Variants in REPS2 observed in about 807,000 individuals in gnomAD.
REPS2 encodes the protein RALBP1 associated Eps domain containing 2.
Under a neutral mutation model 53.6 loss-of-function variants are expected in REPS2, and 23 were observed. The ratio of observed to expected loss-of-function variants is 0.43; its 90% CI spans 0.31 to 0.61. The LOEUF (loss-of-function observed/expected upper bound fraction) is 0.61. Among genes scored for constraint, REPS2 ranks in the 20% least tolerant of loss-of-function variants. The pLI, the probability that REPS2 is intolerant of heterozygous loss-of-function variation, is 0.11. For missense variants in REPS2, 446 were observed against 534.9 expected (o/e 0.83, Z 1.64); for synonymous variants, 238 against 218.6 (o/e 1.09, Z -0.78).
chrX:17,023,604 A>G, intron 3 of REPS2, among the ~76,000 whole-genome samples: 1 of 111,934 alleles, frequency 8.9e-6, no homozygotes, highest in Non-Finnish European at 1.9e-5. Flanking sequence ...CTGTTAAACA[A>G]TTCCATGTAC....
chrX:16,999,907 C>T (rs931235006), intron 1 of REPS2, among the ~76,000 whole-genome samples: 13 of 104,120 alleles, frequency 1.2e-4, no homozygotes, highest in African/African-American at 4.2e-4. Context: ...ATTAGCCGGG[C>T]GTAGTGGCGG....
chrX:16,964,797 C>T (rs1471334785), intron 1 of REPS2, among the ~76,000 whole-genome samples: 3 of 86,888 alleles, frequency 3.5e-5, no homozygotes, highest in Non-Finnish European at 6.9e-5. Context: ...CTGACCCCCC[C>T]ACCTCCCTCC....
intron 1 of REPS2, among the ~76,000 whole-genome samples, chrX:16,988,140 G>GT (rs1465538695): frequency 3.6e-5 from 4 of 111,280 alleles, no homozygotes; most frequent in Non-Finnish European, 7.6e-5. Context: ...AAATTAGCAG[G>GT]GTGTTATGGT....
At chrX:17,163,966 A>G in the REPS2 span, among the ~76,000 whole-genome samples, 1 of 112,452 alleles carries the variant, frequency 8.9e-6, no homozygotes, top group Non-Finnish European at 1.9e-5. Flanking sequence ...TTAAAAGACA[A>G]CTACATAAAT....
At chrX:17,068,598 T>A in intron 10 of REPS2, 127 bp downstream of exon 10, 1 of 452,961 alleles carries the variant, frequency 2.2e-6, no homozygotes, top group African/African-American at 2.4e-5. Flanking sequence ...TTGGATAGAC[T>A]AAGTAGTTCA....
intron 14 of REPS2, among the ~76,000 whole-genome samples, chrX:17,129,192 C>T (rs976346675): frequency 8.9e-6 from 1 of 111,956 alleles, no homozygotes; most frequent in African/African-American, 3.3e-5. Flanking sequence ...GATTATCATT[C>T]TTCCAAAGTT....
Position 16,978,601 on chromosome X carries a change from G to A in REPS2, c.274-27620G>A, listed in dbSNP as rs2060984976. The A allele has an allele frequency of 2.0e-5, 15 of 741,194 alleles. No individual in the cohort carries two copies. In the South Asian group the frequency reaches 9.0e-4, roughly 45 times the overall value. The allele number at this position is 741,194 out of a possible 1,213,427, so 61.1% of individuals were successfully genotyped here. A position where few individuals can be genotyped will look rare whatever the true frequency, so the allele number is the denominator to read the frequency against. ...TTTGCTGGCATGCAGAAGTGGTGAA[G>A]GTAAGGCTTGGATTCAATTACAGTA... On this transcript the variant is annotated intron_variant, in intron 1 of 17. Coordinates refer to ENST00000357277, the MANE Select transcript of REPS2 (RefSeq NM_004726.3).
intron 1 of REPS2, among the ~76,000 whole-genome samples, chrX:16,997,895 C>T (rs1186615024): frequency 8.9e-6 from 1 of 111,837 alleles, no homozygotes; most frequent in Non-Finnish European, 1.9e-5. Context: ...GAACCATGCT[C>T]AGCTGGGCAC....
At chrX:17,146,784 AT>A (rs775053537) in intron 17 of REPS2, among the ~76,000 whole-genome samples, 9 of 111,946 alleles carry the variant, frequency 8.0e-5, no homozygotes, top group Non-Finnish European at 1.7e-4. Flanking sequence ...TTCTACTTGA[AT>A]ACCTTTATGT....
chrX:16,962,022 T>C (rs1371219489), intron 1 of REPS2, among the ~76,000 whole-genome samples: 1 of 111,506 alleles, frequency 9.0e-6, no homozygotes. Context: ...GAGAACCCTT[T>C]TATACTTTTG....
chrX:17,173,141 A>G, the REPS2 span, among the ~76,000 whole-genome samples: 1 of 112,077 alleles, frequency 8.9e-6, no homozygotes, highest in Non-Finnish European at 1.9e-5. Flanking sequence ...AAAACAACAC[A>G]TATTAGTTAT....
At chrX:17,062,900 A>G (rs747280896) in intron 9 of REPS2, among the ~76,000 whole-genome samples, 28 of 112,235 alleles carry the variant, frequency 2.5e-4, no homozygotes, top group African/African-American at 8.7e-4. Flanking sequence ...TTCTATTTTT[A>G]TCAGTTGGGC....
At position 17,151,761 on chromosome X, in the gene REPS2, A is replaced by G. The variant is rs903045977; in HGVS notation, c.*4280A>G. 1 of 112,452 alleles carries G rather than the reference A, an allele frequency of 8.9e-6. No homozygotes were observed. The highest frequency in any genetic ancestry group is 1.9e-5 in the Non-Finnish European group (1 of 53,275). The allele number at this position is 112,452 out of a possible 1,213,427, so 9.3% of individuals were successfully genotyped here. A position where few individuals can be genotyped will look rare whatever the true frequency, so the allele number is the denominator to read the frequency against. ...TCCCACTGTGTTTAAAGAGAACACTAGTAATTCTGGTTTTTCTTTCTAACT... is the reference window on the plus strand; with the variant it reads ...TCCCACTGTGTTTAAAGAGAACACTGGTAATTCTGGTTTTTCTTTCTAACT... On this transcript the variant is annotated 3_prime_UTR_variant, in exon 18 of 18. Coordinates refer to ENST00000357277, the MANE Select transcript of REPS2 (RefSeq NM_004726.3).
intron 1 of REPS2, among the ~76,000 whole-genome samples, chrX:17,003,463 G>T (rs113267917): frequency 9.0e-6 from 1 of 111,576 alleles, no homozygotes; most frequent in African/African-American, 3.3e-5. Flanking sequence ...CAGGAAGGGC[G>T]TGAAGAGTCC....
At chrX:17,040,481 A>G (rs2061817491) in intron 5 of REPS2, among the ~76,000 whole-genome samples, 1 of 112,236 alleles carries the variant, frequency 8.9e-6, no homozygotes. Context: ...TTTGGGATAT[A>G]GCAGTGATCA....
At chrX:17,040,260 A>T (rs1440203407) in intron 5 of REPS2, among the ~76,000 whole-genome samples, 1 of 112,716 alleles carries the variant, frequency 8.9e-6, no homozygotes, top group Non-Finnish European at 1.9e-5. Flanking sequence ...CTGACTTCAG[A>T]GGTAAGGGAG....
chrX:16,984,537 T>C (rs1006039181), intron 1 of REPS2, among the ~76,000 whole-genome samples: 4 of 112,290 alleles, frequency 3.6e-5, no homozygotes, highest in Non-Finnish European at 7.5e-5. Flanking sequence ...GGAGGCTGGT[T>C]ACTACATGTT....
At chrX:16,993,971 A>G in intron 1 of REPS2, among the ~76,000 whole-genome samples, 1 of 112,848 alleles carries the variant, frequency 8.9e-6, no homozygotes. Context: ...AAACTGCACA[A>G]CTAGGGGGCA....
chrX:17,038,135 T>TTGCAG (rs1387642688), intron 5 of REPS2, among the ~76,000 whole-genome samples: 2 of 112,598 alleles, frequency 1.8e-5, no homozygotes, highest in Admixed American at 1.9e-4. Flanking sequence ...CTCTAGGTGC[T>TTGCAG]TGCAGTCAAA....
Sources: allele counts gnomAD v4.1 joint callset (sites outside exome capture counted in the v4.1 genomes callset), GRCh38; gene constraint gnomAD v4.1.1; transcripts MANE v1.5; gene names NCBI Gene and HGNC (gene_info 2026-07-23, HGNC 2026-07-21).